Variants in GRIP1 observed in about 807,000 individuals in gnomAD.
GRIP1 encodes the protein glutamate receptor-interacting protein 1.
Under a neutral mutation model 129.9 loss-of-function variants are expected in GRIP1, and 45 were observed. That is an observed-to-expected ratio of 0.35 (90% confidence interval 0.27 to 0.44). The LOEUF (loss-of-function observed/expected upper bound fraction) is 0.44. Ranked by LOEUF, GRIP1 falls within the 20% of genes least tolerant of loss-of-function variation. GRIP1 has a pLI of 1.00. For missense variants in GRIP1, 1,196 were observed against 1,396.8 expected (o/e 0.86, Z 2.29); for synonymous variants, 530 against 520.8 (o/e 1.02, Z -0.24).
At chr12:66,914,225 G>A (rs901752594) in intron 1 of GRIP1, among the ~76,000 whole-genome samples, 1 of 152,078 alleles carries the variant, frequency 6.6e-6, no homozygotes, top group Non-Finnish European at 1.5e-5. Flanking sequence ...TGGGGGGTAG[G>A]CACATAATCA....
At chr12:66,676,907 G>A (rs1462772458) in intron 1 of GRIP1, among the ~76,000 whole-genome samples, 4 of 152,146 alleles carry the variant, frequency 2.6e-5, no homozygotes, top group African/African-American at 9.7e-5. Context: ...AAGAAGCATG[G>A]GTGGAACTTG....
chr12:66,889,191 A>C (rs1325540500), intron 1 of GRIP1, among the ~76,000 whole-genome samples: 1 of 152,144 alleles, frequency 6.6e-6, no homozygotes, highest in Non-Finnish European at 1.5e-5. Context: ...CAGGTGCGGC[A>C]GCTCACGCCT....
At position 66,936,198 on chromosome 12, in the gene GRIP1, T is replaced by A. The variant is rs542827659; in HGVS notation, c.58+132852A>T. Among the ~76,000 whole-genome samples, 111 of 152,126 alleles carry A rather than the reference T, an allele frequency of 7.3e-4. 1 individual carries two copies. The highest frequency in any genetic ancestry group is 3.4e-3 in the Middle Eastern group (1 of 294). The stretch of plus-strand genomic sequence containing the variant: ...ACTTTGGGAGGCCAAGGCAAGAGGA[T>A]CTCTTGAGCCCAGAAGTTTGAGACC... On this transcript the variant is annotated intron_variant, in intron 1 of 1. Coordinates refer to the GRIP1 transcript ENST00000643019.
At chr12:66,354,528 C>A (rs937330480) in intron 23 of GRIP1, among the ~76,000 whole-genome samples, 2 of 152,284 alleles carry the variant, frequency 1.3e-5, no homozygotes, top group South Asian at 4.1e-4. Context: ...GCGCTTGATG[C>A]TCAGTTAACG....
intron 1 of GRIP1, among the ~76,000 whole-genome samples, chr12:66,843,808 T>TATAA (rs2039764810): frequency 1.2e-5 from 1 of 81,644 alleles, no homozygotes; most frequent in Admixed American, 1.3e-4. Context: ...TAACTTGAAA[T>TATAA]GGATATAATA....
rs536381983 is a variant in GRIP1 at position 66,654,340 on chromosome 12, T to C, written c.55+24510A>G. On this transcript the variant is annotated intron_variant, in intron 1 of 24. Coordinates refer to ENST00000359742, the MANE Select transcript of GRIP1 (RefSeq NM_001366722.1). Reference sequence around the variant, plus strand: ...GTGAATACAACCTGTGCCAAAAACATGATAAGGAAAACAAATATAGGTCAA... The same window carrying C: ...GTGAATACAACCTGTGCCAAAAACACGATAAGGAAAACAAATATAGGTCAA... Among the ~76,000 whole-genome samples the C allele has an allele frequency of 9.9e-5, 15 of 151,990 alleles. No homozygotes were observed. The East Asian group carries it at 2.3e-3, about 24-fold the overall frequency.
intron 2 of GRIP1, among the ~76,000 whole-genome samples, chr12:66,574,450 C>T (rs2063070768): frequency 6.6e-6 from 1 of 152,234 alleles, no homozygotes; most frequent in South Asian, 2.1e-4. Context: ...ACTAACATTT[C>T]ACCTAAATTG....
intron 7 of GRIP1, among the ~76,000 whole-genome samples, chr12:66,474,960 C>T (rs1036788210): frequency 7.2e-5 from 11 of 151,908 alleles, no homozygotes; most frequent in African/African-American, 1.7e-4. Context: ...AATGACAGGA[C>T]CAAATTCACA....
intron 1 of GRIP1, among the ~76,000 whole-genome samples, chr12:66,667,275 A>G (rs2033847518): frequency 6.6e-6 from 1 of 152,160 alleles, no homozygotes; most frequent in Non-Finnish European, 1.5e-5. Flanking sequence ...TCATAGTTTT[A>G]TATTCTGTGA....
intron 1 of GRIP1, among the ~76,000 whole-genome samples, chr12:66,622,535 A>G (rs2065320264): frequency 6.6e-6 from 1 of 152,162 alleles, no homozygotes; most frequent in African/African-American, 2.4e-5. Flanking sequence ...CATATACCCC[A>G]TGAATACATA....
At chr12:66,877,990 G>A (rs1309297283) in intron 1 of GRIP1, among the ~76,000 whole-genome samples, 3 of 152,016 alleles carry the variant, frequency 2.0e-5, no homozygotes, top group Admixed American at 2.0e-4. Context: ...AAAGACATAA[G>A]GTTTCCTCTG....
intron 1 of GRIP1, among the ~76,000 whole-genome samples, chr12:67,047,716 T>C (rs79987073): frequency 0.032 from 4,839 of 152,310 alleles, 258 homozygotes; most frequent in African/African-American, 0.11. Context: ...TTCACAATTA[T>C]GGGCAATGCC....
chr12:66,791,513 G>C (rs1183106469), intron 1 of GRIP1, among the ~76,000 whole-genome samples: 1 of 152,118 alleles, frequency 6.6e-6, no homozygotes, highest in Non-Finnish European at 1.5e-5. Flanking sequence ...TAGCAGGAGT[G>C]AAGACCACAG....
At chr12:66,366,507 T>G (rs1361767288) in intron 23 of GRIP1, among the ~76,000 whole-genome samples, 3 of 152,206 alleles carry the variant, frequency 2.0e-5, no homozygotes, top group African/African-American at 7.2e-5. Context: ...TACTTGTGAG[T>G]GACTGAAATG....
rs370203017 is a variant in GRIP1 at position 66,393,785 on chromosome 12, A to G, written c.2129+423T>C. Among the ~76,000 whole-genome samples, 18 of 152,306 alleles carry G rather than the reference A, an allele frequency of 1.2e-4. No homozygotes were observed. In the South Asian group the frequency reaches 3.7e-3, roughly 32 times the overall value. ...ACTTTGTTTCCCATAATCCTTGAAG[A>G]TGATGTCTGTATCATCCTTTTCTGA... On this transcript the variant is annotated intron_variant, in intron 17 of 24. Transcript: ENST00000359742.
upstream of GRIP1, among the ~76,000 whole-genome samples, chr12:66,683,384 G>T (rs1439846705): frequency 6.6e-6 from 1 of 152,062 alleles, no homozygotes; most frequent in Non-Finnish European, 1.5e-5. Context: ...CGCCAGTAAT[G>T]AGCTGTCATG....
At chr12:66,439,017 T>A (rs1258051224) in intron 13 of GRIP1, among the ~76,000 whole-genome samples, 1 of 152,160 alleles carries the variant, frequency 6.6e-6, no homozygotes, top group African/African-American at 2.4e-5. Context: ...GAGTGATAGA[T>A]GGCCAGGGAA....
chr12:66,537,841 TGTAATGAGATATTG>T (rs1470288543), intron 4 of GRIP1, among the ~76,000 whole-genome samples: 18 of 152,318 alleles, frequency 1.2e-4, no homozygotes, highest in African/African-American at 4.3e-4. Context: ...TTGCCATTCC[TGTAATGAGATATTG>T]ATGGCAAAGG....
chr12:66,676,415 T>C (rs989202544), intron 1 of GRIP1, among the ~76,000 whole-genome samples: 21 of 152,166 alleles, frequency 1.4e-4, no homozygotes, highest in Non-Finnish European at 2.8e-4. Context: ...AAGGTAGTTT[T>C]GGAGTCATGA....
Sources: gnomAD v4.1 joint callset for allele counts (sites outside exome capture counted in the v4.1 genomes callset) on GRCh38, gnomAD v4.1.1 for gene constraint, MANE v1.5 for transcripts, NCBI Gene and HGNC (gene_info 2026-07-23, HGNC 2026-07-21) for gene names.